The following GRIK4 variants were observed in gnomAD, a reference collection of about 807,000 sequenced individuals.
GRIK4 encodes glutamate ionotropic receptor kainate type subunit 4.
GRIK4 carries 40 observed loss-of-function variants against 104.9 expected under a neutral mutation model. The observed-to-expected ratio is 0.38, with a 90% CI of 0.30 to 0.50. The LOEUF is 0.50. GRIK4 is among the 20% of genes least tolerant of loss of function. The pLI is 0.93. For missense variants in GRIK4, 1,047 were observed against 1,308.1 expected (o/e 0.80, Z 3.08); for synonymous variants, 485 against 524.9 (o/e 0.92, Z 1.04).
At chr11:120,527,836 AG>A (rs1947874870) in intron 1 of GRIK4, among the ~76,000 whole-genome samples, 1 of 152,186 alleles carries the variant, frequency 6.6e-6, no homozygotes, top group Non-Finnish European at 1.5e-5. Flanking sequence ...GTGGAGGAAG[AG>A]GCTTCTTTAC....
chr11:120,575,169 G>A (rs763203536), intron 1 of GRIK4, among the ~76,000 whole-genome samples: 5 of 152,118 alleles, frequency 3.3e-5, no homozygotes, highest in East Asian at 1.9e-4. Context: ...AGTTATGCAC[G>A]TTCATGCTGG....
intron 3 of GRIK4, among the ~76,000 whole-genome samples, chr11:120,673,133 C>A (rs888263855): frequency 2.0e-5 from 3 of 152,202 alleles, no homozygotes; most frequent in African/African-American, 7.2e-5. Context: ...CTATAACATT[C>A]ATCATCATCT....
intron 1 of GRIK4, among the ~76,000 whole-genome samples, chr11:120,552,629 G>T (rs1452900350): frequency 6.6e-6 from 1 of 152,166 alleles, no homozygotes; most frequent in African/African-American, 2.4e-5. Flanking sequence ...CTACAGGAAC[G>T]TTCAGTCGCT....
At chr11:120,936,186 A>C in intron 13 of GRIK4, 1 of 312,170 alleles carries the variant, frequency 3.2e-6, no homozygotes, top group South Asian at 2.9e-5. Flanking sequence ...GTTTGCAGCA[A>C]TATCCTTTGG....
At chr11:120,910,273 A>G (rs1942962625) in intron 13 of GRIK4, among the ~76,000 whole-genome samples, 1 of 152,212 alleles carries the variant, frequency 6.6e-6, no homozygotes, top group Admixed American at 6.5e-5. Flanking sequence ...CCGTGTATTC[A>G]TTGTGGAGGA....
chr11:120,696,194 A>G (rs1453039179), intron 3 of GRIK4, among the ~76,000 whole-genome samples: 1 of 152,138 alleles, frequency 6.6e-6, no homozygotes, highest in Non-Finnish European at 1.5e-5. Context: ...GCTGCAGGCT[A>G]ATTAACCCTG....
At chr11:120,935,442 T>C (rs1011661135) in intron 13 of GRIK4, among the ~76,000 whole-genome samples, 13 of 151,944 alleles carry the variant, frequency 8.6e-5, no homozygotes, top group African/African-American at 3.1e-4. Flanking sequence ...CCCAGCTACT[T>C]GGGAGGCTGA....
chr11:120,523,781 C>T (rs1947824646), intron 1 of GRIK4, among the ~76,000 whole-genome samples: 1 of 151,412 alleles, frequency 6.6e-6, no homozygotes, highest in South Asian at 2.1e-4. Context: ...AGAACCTGAG[C>T]AGCCCAGCTG....
chr11:120,898,831 G>A (rs144553285), intron 12 of GRIK4, among the ~76,000 whole-genome samples, 192 bp downstream of exon 12: 2 of 152,170 alleles, frequency 1.3e-5, no homozygotes, highest in African/African-American at 2.4e-5. Flanking sequence ...CAGAGCAGGT[G>A]GGGGGAGGGT....
At chr11:120,582,242 CTT>C (rs200759037) in intron 1 of GRIK4, among the ~76,000 whole-genome samples, 8 of 134,724 alleles carry the variant, frequency 5.9e-5, no homozygotes, top group African/African-American at 1.6e-4. Flanking sequence ...GTCTTTGTTT[CTT>C]TTTTTTTTTT....
At chr11:120,725,509 A>G (rs1211554538) in intron 3 of GRIK4, among the ~76,000 whole-genome samples, 1 of 152,206 alleles carries the variant, frequency 6.6e-6, no homozygotes, top group Non-Finnish European at 1.5e-5. Flanking sequence ...CTAGGGGTTT[A>G]TACAGCAGGG....
rs191872672 is a variant in GRIK4, at chr11:120,531,952, T to G, written c.-159+20065T>G. Among the ~76,000 whole-genome samples, 478 of 152,322 alleles carry G rather than the reference T, an allele frequency of 3.1e-3. 3 individuals are homozygous for G. Among genetic ancestry groups the G allele is most frequent in the Middle Eastern group, 0.027 (8 of 294 alleles). The stretch of plus-strand genomic sequence containing the variant: ...CATACCAGTGACCTTTGGATGTCCC[T>G]GTGGAGCAGCAGATGGCAACCCTTC... On this transcript the variant is annotated intron_variant, in intron 1 of 20. Transcript: ENST00000527524.
At chr11:120,866,074 G>A (rs906050886) in intron 9 of GRIK4, among the ~76,000 whole-genome samples, 1 of 152,196 alleles carries the variant, frequency 6.6e-6, no homozygotes. Flanking sequence ...AGCCATTTGT[G>A]AAGCATCCAC....
At chr11:120,552,123 G>T (rs552913808) in intron 1 of GRIK4, among the ~76,000 whole-genome samples, 2 of 152,348 alleles carry the variant, frequency 1.3e-5, no homozygotes, top group South Asian at 4.1e-4. Context: ...TTGAAGCTGG[G>T]TGGCCAGAAT....
intron 1 of GRIK4, among the ~76,000 whole-genome samples, chr11:120,623,284 C>T (rs1026474772): frequency 7.9e-5 from 12 of 152,092 alleles, no homozygotes; most frequent in African/African-American, 2.9e-4. Flanking sequence ...TGGGGCTACA[C>T]TCAGCTAATT....
At chr11:120,716,684 G>A (rs977779878) in intron 3 of GRIK4, among the ~76,000 whole-genome samples, 3 of 152,148 alleles carry the variant, frequency 2.0e-5, no homozygotes, top group Admixed American at 6.5e-5. Context: ...ATAAATAGAT[G>A]AGGAGGAATC....
intron 20 of GRIK4, 101 bp downstream of exon 20, chr11:120,982,325 T>C: frequency 1.4e-6 from 1 of 731,088 alleles, no homozygotes; most frequent in Non-Finnish European, 2.5e-6. Flanking sequence ...CCACAGGAAG[T>C]GCAGCAAAGA....
intron 3 of GRIK4, among the ~76,000 whole-genome samples, chr11:120,674,681 T>C (rs113341951): frequency 6.6e-6 from 1 of 152,248 alleles, no homozygotes; most frequent in Non-Finnish European, 1.5e-5. Flanking sequence ...TAAATTTCCC[T>C]TAGCGGCAGG....
intron 20 of GRIK4, among the ~76,000 whole-genome samples, chr11:120,983,685 T>C (rs910180480): frequency 2.6e-5 from 4 of 152,168 alleles, no homozygotes; most frequent in African/African-American, 9.7e-5. Flanking sequence ...TCCTTCCTCA[T>C]TTCTCCTGCT....
Sources: gnomAD v4.1 joint callset for allele counts (sites outside exome capture counted in the v4.1 genomes callset) on GRCh38, gnomAD v4.1.1 for gene constraint, MANE v1.5 for transcripts, NCBI Gene and HGNC (gene_info 2026-07-23, HGNC 2026-07-21) for gene names.